Variants in CSDE1 observed in about 807,000 individuals in gnomAD.
The protein encoded by CSDE1 is cold shock domain-containing protein E1.
A neutral mutation model predicts 89.3 loss-of-function variants in CSDE1; 17 were observed. The ratio of observed to expected loss-of-function variants is 0.19; its 90% CI spans 0.13 to 0.29. CSDE1 has a LOEUF of 0.29. CSDE1 is among the 10% of genes least tolerant of loss of function. The pLI is 1.00. For synonymous variants in CSDE1, 322 were observed against 332.8 expected (o/e 0.97, Z 0.35); for missense variants, 672 against 984.2 (o/e 0.68, Z 4.24).
chr1:114,738,098 TG>T (rs772456816), intron 3 of CSDE1, 26 bp from the exon 4 acceptor site: 1 of 1,568,772 alleles, frequency 6.4e-7, no homozygotes, highest in East Asian at 2.2e-5. Flanking sequence ...GTGTTATGTT[TG>T]TTGAACTGAT....
chr1:114,737,175 G>A (rs1392463959), intron 5 of CSDE1, among the ~76,000 whole-genome samples: 1 of 151,970 alleles, frequency 6.6e-6, no homozygotes, highest in Non-Finnish European at 1.5e-5. Context: ...TGGTGTTAGT[G>A]CTTAAAAGAA....
intron 13 of CSDE1, among the ~76,000 whole-genome samples, 165 bp from the exon 14 acceptor site, chr1:114,726,551 C>T (rs1257162095): frequency 6.6e-6 from 1 of 152,184 alleles, no homozygotes; most frequent in South Asian, 2.1e-4. Context: ...ATGTCTCATC[C>T]CACTTTTCAC....
intron 9 of CSDE1, among the ~76,000 whole-genome samples, chr1:114,733,078 C>T (rs932402806): frequency 6.6e-5 from 10 of 152,126 alleles, no homozygotes; most frequent in African/African-American, 2.2e-4. Context: ...AGGAATGACA[C>T]CACTTGTGTC....
At chr1:114,753,818 A>G (rs1353380843) in intron 1 of CSDE1, among the ~76,000 whole-genome samples, 1 of 151,960 alleles carries the variant, frequency 6.6e-6, no homozygotes, top group African/African-American at 2.4e-5. Flanking sequence ...CGGGAAGCTG[A>G]GGCAGGAGGA....
At chr1:114,732,235 G>T (rs547422367) in intron 10 of CSDE1, among the ~76,000 whole-genome samples, 1 of 152,184 alleles carries the variant, frequency 6.6e-6, no homozygotes, top group East Asian at 1.9e-4. Context: ...AGGAAGAATT[G>T]TGTTTCCTAA....
In CSDE1 at chr1:114,739,909, G is replaced by C. The variant is rs1421028675; in HGVS notation, c.1-19C>G. 6.3e-7 allele frequency: 1 copy of C among 1,577,418 alleles called. No individual in the cohort carries two copies. Among genetic ancestry groups the C allele is most frequent in the Middle Eastern group, 1.7e-4 (1 of 5,984 alleles). On this transcript the variant is annotated intron_variant, in intron 2 of 19. Transcript: ENST00000358528. Reference sequence around the variant, plus strand: ...AGCTCATCTGTTTTAAAAAGAAAAAGAATATATACATATCTGTACATTATC... The same window carrying C: ...AGCTCATCTGTTTTAAAAAGAAAAACAATATATACATATCTGTACATTATC...
intron 9 of CSDE1, 86 bp downstream of exon 9, chr1:114,733,646 G>T (rs1279991003): frequency 2.4e-6 from 3 of 1,239,312 alleles, no homozygotes; most frequent in Non-Finnish European, 3.4e-6. Context: ...TATATTAACT[G>T]AATAAGATAA....
At chr1:114,721,294 A>T (rs1659506478) in intron 16 of CSDE1, among the ~76,000 whole-genome samples, 1 of 152,194 alleles carries the variant, frequency 6.6e-6, no homozygotes, top group Non-Finnish European at 1.5e-5. Flanking sequence ...CATCCTGTCT[A>T]ACCAACTCTG....
At chr1:114,731,020 C>T (rs1029002457) in intron 10 of CSDE1, among the ~76,000 whole-genome samples, 3 of 152,170 alleles carry the variant, frequency 2.0e-5, no homozygotes, top group African/African-American at 7.2e-5. Flanking sequence ...GGCACTTCTC[C>T]AGTCTCTACC....
Position 114,737,932 on chromosome 1 carries a change from TA to T in CSDE1, c.309+30del, listed in dbSNP as rs777920146. 2.8e-5 allele frequency: 42 copies of T among 1,486,406 alleles called. No individual in the cohort carries two copies. The South Asian group carries it at 3.2e-4, about 11-fold the overall frequency. The allele number at this position is 1,486,406 out of a possible 1,614,324, so 92.1% of individuals were successfully genotyped here. ...TGAAAGATATGCAAATGCAGGGCCC[TA>T]AAAAAACACAAAGCATCAAAGTCAC... On this transcript the variant is annotated intron_variant, in intron 4 of 19. Transcript: ENST00000358528.
intron 3 of CSDE1, among the ~76,000 whole-genome samples, chr1:114,739,189 G>A (rs1450038621): frequency 2.6e-5 from 4 of 151,958 alleles, no homozygotes; most frequent in Admixed American, 6.6e-5. Flanking sequence ...CTGCCACCAC[G>A]CCCAGCTAAT....
chr1:114,738,295 C>G (rs888364108), intron 3 of CSDE1, among the ~76,000 whole-genome samples: 9 of 152,166 alleles, frequency 5.9e-5, no homozygotes, highest in African/African-American at 2.2e-4. Flanking sequence ...GTATAGCAAT[C>G]TGTGTTTTAA....
At chr1:114,749,319 T>C (rs1661180847) in intron 2 of CSDE1, among the ~76,000 whole-genome samples, 1 of 152,178 alleles carries the variant, frequency 6.6e-6, no homozygotes, top group East Asian at 1.9e-4. Context: ...ATTTCAGCAC[T>C]AGCAATGCCT....
At chr1:114,743,129 A>ATGTT (rs1165538094) in intron 2 of CSDE1, among the ~76,000 whole-genome samples, 1 of 152,038 alleles carries the variant, frequency 6.6e-6, no homozygotes, top group South Asian at 2.1e-4. Flanking sequence ...TGCTTCTTTC[A>ATGTT]TGTTTGTTTG....
chr1:114,722,889 G>A (rs559891589), intron 16 of CSDE1, among the ~76,000 whole-genome samples: 1 of 152,262 alleles, frequency 6.6e-6, no homozygotes, highest in East Asian at 1.9e-4. Flanking sequence ...AAAGGAATAG[G>A]TTATCAAGGT....
At chr1:114,755,057 A>G (rs573311285) in intron 1 of CSDE1, among the ~76,000 whole-genome samples, 81 of 152,228 alleles carry the variant, frequency 5.3e-4, no homozygotes, top group Non-Finnish European at 1.0e-3. Flanking sequence ...TATTTAACCA[A>G]TTATATCCAA....
intron 15 of CSDE1, 75 bp from the exon 16 acceptor site, chr1:114,724,077 T>C (rs1659670960): frequency 3.3e-6 from 5 of 1,510,962 alleles, no homozygotes; most frequent in Non-Finnish European, 4.5e-6. Context: ...AAGCAAAAAA[T>C]AACAGCACAA....
chr1:114,729,501 CCA>C (rs1659988011), intron 12 of CSDE1, among the ~76,000 whole-genome samples: 2 of 134,994 alleles, frequency 1.5e-5, no homozygotes, highest in African/African-American at 5.6e-5. Flanking sequence ...CAACAAAAAC[CCA>C]CACACAAAAC....
chr1:114,729,311 G>A (rs1659974089), intron 12 of CSDE1, among the ~76,000 whole-genome samples: 1 of 151,796 alleles, frequency 6.6e-6, no homozygotes, highest in Non-Finnish European at 1.5e-5. Context: ...ATGTTAGCCA[G>A]GATGGTCTCA....
Sources: allele counts gnomAD v4.1 joint callset (sites outside exome capture counted in the v4.1 genomes callset), GRCh38; gene constraint gnomAD v4.1.1; transcripts MANE v1.5; gene names NCBI Gene and HGNC (gene_info 2026-07-23, HGNC 2026-07-21).